Variants in ITGA4 observed in about 807,000 individuals in gnomAD.
The protein encoded by ITGA4 is integrin alpha-4.
A neutral mutation model predicts 133.6 loss-of-function variants in ITGA4; 63 were observed. That is an observed-to-expected ratio of 0.47 (90% CI 0.38 to 0.58). The LOEUF is 0.58. ITGA4 is among the 20% of genes least tolerant of loss of function. The pLI is 0.00. For synonymous variants in ITGA4, 483 were observed against 438.0 expected, an observed-to-expected ratio of 1.10 and a Z score of -1.28; for missense variants, 1,076 against 1,252.7, an observed-to-expected ratio of 0.86 and a Z score of 2.13.
rs528353715 is a variant in ITGA4, at chr2:181,461,098, C to T, written c.319+2781C>T. ...CAGTGGTTGATTCAGATAGACTCCTCCCCTCAAAAGAGAAGGTCCATATCT... is the reference window on the plus strand; with the variant it reads ...CAGTGGTTGATTCAGATAGACTCCTTCCCTCAAAAGAGAAGGTCCATATCT... On this transcript the variant is annotated intron_variant, in intron 2 of 27. Transcript: ENST00000397033. 8.8e-4 allele frequency among the ~76,000 whole-genome samples: 133 copies of T among 151,074 alleles called. 2 individuals carry two copies. The highest frequency in any genetic ancestry group is 2.6e-3 in the Admixed American group (40 of 15,152).
At position 181,535,602 on chromosome 2, in the gene ITGA4, A is replaced by G. The variant is rs201478121; in HGVS notation, c.*75A>G. 4 of 1,495,998 alleles carry G rather than the reference A, an allele frequency of 2.7e-6. No individual in the cohort carries two copies. The highest frequency in any genetic ancestry group is 2.8e-5 in the African/African-American group (2 of 71,294). The allele number at this position is 1,495,998 out of a possible 1,614,324, so 92.7% of individuals were successfully genotyped here. Reference sequence around the variant, plus strand: ...AGAAATTTAAAAGACACTGTTTACAAGAAAAAATGAATTTTGTTTGGACTT... The same window carrying G: ...AGAAATTTAAAAGACACTGTTTACAGGAAAAAATGAATTTTGTTTGGACTT... On this transcript the variant is annotated 3_prime_UTR_variant, in exon 28 of 28. Transcript: ENST00000397033.
rs145998731 is a variant in ITGA4 at position 181,513,141 on chromosome 2, G to A, written c.1922+1366G>A. Reference sequence around the variant, plus strand: ...TCAGCTGTTTTTGATGGATCTTTGGGTTTGGCACCCTAAATGGTCCTCCCT... The same window carrying A: ...TCAGCTGTTTTTGATGGATCTTTGGATTTGGCACCCTAAATGGTCCTCCCT... On this transcript the variant is annotated intron_variant, in intron 17 of 27. Coordinates refer to ENST00000397033, the MANE Select transcript of ITGA4 (RefSeq NM_000885.6). Among the ~76,000 whole-genome samples the A allele has an allele frequency of 1.9e-4, 29 of 151,904 alleles. No homozygotes were observed. In the East Asian group the frequency reaches 2.7e-3, roughly 14 times the overall value.
chr2:181,461,567 C>T (rs1009823668), intron 2 of ITGA4, among the ~76,000 whole-genome samples: 2 of 151,996 alleles, frequency 1.3e-5, no homozygotes, highest in African/African-American at 2.4e-5. Flanking sequence ...ATTAAGGTGT[C>T]ACAAATAATG....
At position 181,535,424 on chromosome 2, in the gene ITGA4, A is replaced by G. The variant is rs1251151354; in HGVS notation, c.3004-8A>G. ...TATACACTAGTGATTATGTTATGCT[A>G]TTTTCAGGCTGGCTTCTTTAAAAGA... On this transcript the variant is annotated splice_region_variant and splice_polypyrimidine_tract_variant and intron_variant, in intron 27 of 27. Transcript: ENST00000397033. The G allele has an allele frequency of 6.3e-7, 1 of 1,598,176 alleles. No homozygotes were observed. Among genetic ancestry groups the G allele is most frequent in the Non-Finnish European group, 8.5e-7 (1 of 1,171,748 alleles).
At chr2:181,534,181 G>T in intron 25 of ITGA4, 91 bp from the exon 26 acceptor site, 1 of 745,590 alleles carries the variant, frequency 1.3e-6, no homozygotes, top group Non-Finnish European at 2.2e-6. Flanking sequence ...AAGGTAAATT[G>T]TGAAAACCTC....
At chr2:181,481,758 A>C (rs1269101960) in intron 7 of ITGA4, 75 bp downstream of exon 7, 1 of 582,276 alleles carries the variant, frequency 1.7e-6, no homozygotes, top group East Asian at 3.2e-5. Context: ...TTAAAGGAGA[A>C]ACTGTGAATG....
intron 14 of ITGA4, among the ~76,000 whole-genome samples, chr2:181,496,155 T>G (rs576275134): frequency 6.6e-6 from 1 of 152,314 alleles, no homozygotes; most frequent in South Asian, 2.1e-4. Context: ...TGTTTAGAGA[T>G]TATGAGAAGC....
chr2:181,470,991 C>T (rs1031063633), intron 2 of ITGA4, among the ~76,000 whole-genome samples: 22 of 152,120 alleles, frequency 1.4e-4, no homozygotes, highest in Admixed American at 2.6e-4. Context: ...TTGAAAGTTA[C>T]CTCAATATTA....
chr2:181,507,454 A>G (rs1686416797), intron 15 of ITGA4, among the ~76,000 whole-genome samples: 1 of 152,048 alleles, frequency 6.6e-6, no homozygotes, highest in African/African-American at 2.4e-5. Context: ...TACCCTTTGA[A>G]AATCACATTT....
chr2:181,515,422 G>A (rs909235652), intron 17 of ITGA4, among the ~76,000 whole-genome samples: 1 of 151,964 alleles, frequency 6.6e-6, no homozygotes, highest in Non-Finnish European at 1.5e-5. Context: ...TATTATGGTT[G>A]GAATTTCTAT....
intron 15 of ITGA4, among the ~76,000 whole-genome samples, chr2:181,507,932 G>A (rs1297334883): frequency 3.3e-5 from 5 of 151,968 alleles, no homozygotes; most frequent in Non-Finnish European, 7.4e-5. Context: ...CTAGTGAAGT[G>A]CTTACTTAAT....
intron 17 of ITGA4, among the ~76,000 whole-genome samples, chr2:181,519,805 T>C (rs949025560): frequency 6.6e-6 from 1 of 152,270 alleles, no homozygotes; most frequent in East Asian, 1.9e-4. Context: ...ATAAACACGG[T>C]TTAAGGCTAT....
intron 2 of ITGA4, among the ~76,000 whole-genome samples, chr2:181,461,063 A>T (rs1036785207): frequency 2.0e-5 from 3 of 151,582 alleles, no homozygotes; most frequent in Admixed American, 1.3e-4. Flanking sequence ...GTCTCTGTAG[A>T]ATTTCAGATC....
intron 9 of ITGA4, among the ~76,000 whole-genome samples, chr2:181,485,418 G>A (rs155101): frequency 0.76 from 113,973 of 150,920 alleles, 43,232 homozygotes; most frequent in Admixed American, 0.79. Context: ...TTTTTTTTGC[G>A]TCTCGATATT....
chr2:181,524,959 TAAAAAA>T (rs34230117), intron 20 of ITGA4, among the ~76,000 whole-genome samples: 2 of 146,354 alleles, frequency 1.4e-5, no homozygotes, highest in African/African-American at 5.0e-5. Context: ...AACTATTTGT[TAAAAAA>T]AAAAAAATTC....
chr2:181,482,337 T>A (rs1200634282), intron 7 of ITGA4, 23 bp from the exon 8 acceptor site: 1 of 1,582,304 alleles, frequency 6.3e-7, no homozygotes, highest in Admixed American at 1.9e-5. Context: ...TAAAAACTTT[T>A]CTAATTCTTT....
In ITGA4 at chr2:181,464,517, G is replaced by A. The variant is rs116244100; in HGVS notation, c.319+6200G>A. ...AATTAATTATGAGATAATGTAATAA[G>A]CATGACAATAGACAGGTACATAGTG... On this transcript the variant is annotated intron_variant, in intron 2 of 27. Coordinates refer to ENST00000397033, the MANE Select transcript of ITGA4 (RefSeq NM_000885.6). 7.6e-3 allele frequency among the ~76,000 whole-genome samples: 1,150 copies of A among 152,216 alleles called. 10 individuals are homozygous for A. The highest frequency in any genetic ancestry group is 0.024 in the Middle Eastern group (7 of 294).
intron 16 of ITGA4, among the ~76,000 whole-genome samples, chr2:181,511,036 G>GATCT (rs949258531): frequency 6.6e-6 from 1 of 151,906 alleles, no homozygotes; most frequent in African/African-American, 2.4e-5. Context: ...TGACTTTCTA[G>GATCT]ATCTCTCTTT....
At position 181,537,217 on chromosome 2, in the gene ITGA4, T is replaced by G. The variant is rs1450786689; in HGVS notation, c.*1690T>G. The G allele has an allele frequency of 2.2e-6, 1 of 453,026 alleles. No homozygotes were observed. Among genetic ancestry groups the G allele is most frequent in the Admixed American group, 2.4e-5 (1 of 42,524 alleles). The allele number at this position is 453,026 out of a possible 1,614,324, so 28.1% of individuals were successfully genotyped here. A position where few individuals can be genotyped will look rare whatever the true frequency, so the allele number is the denominator to read the frequency against. On this transcript the variant is annotated 3_prime_UTR_variant, in exon 28 of 28. Transcript: ENST00000397033. Reference sequence around the variant, plus strand: ...AAAATCAAGCCCCGATTTAGAACTGTCTTCTCCAGGATGGTCTCTAAGGAA... The same window carrying G: ...AAAATCAAGCCCCGATTTAGAACTGGCTTCTCCAGGATGGTCTCTAAGGAA...
Sources: allele counts gnomAD v4.1 joint callset (sites outside exome capture counted in the v4.1 genomes callset), GRCh38; gene constraint gnomAD v4.1.1; transcripts MANE v1.5; gene names NCBI Gene and HGNC (gene_info 2026-07-23, HGNC 2026-07-21).